The following KCNMA1 variants were observed in gnomAD, a reference collection of about 807,000 sequenced individuals.
KCNMA1 encodes the protein potassium calcium-activated channel subfamily M alpha 1.
Under a neutral mutation model 140.0 loss-of-function variants are expected in KCNMA1, and 29 were observed. The ratio of observed to expected loss-of-function variants is 0.21; its 90% CI spans 0.15 to 0.28. KCNMA1 has a LOEUF of 0.28. Among genes scored for constraint, KCNMA1 ranks in the 10% least tolerant of loss-of-function variants. KCNMA1 has a pLI of 1.00. For synonymous variants in KCNMA1, 612 were observed against 611.9 expected, an observed-to-expected ratio of 1.00 and a Z score of 0.00; for missense variants, 880 against 1,602.2, an observed-to-expected ratio of 0.55 and a Z score of 7.70.
intron 2 of KCNMA1, among the ~76,000 whole-genome samples, chr10:77,297,704 T>A (rs2075541047): frequency 6.6e-6 from 1 of 152,164 alleles, no homozygotes; most frequent in South Asian, 2.1e-4. Context: ...CCTCTACCTA[T>A]GAAAGGAAGG....
At chr10:77,102,443 A>C (rs1031800543) in intron 9 of KCNMA1, among the ~76,000 whole-genome samples, 1 of 152,204 alleles carries the variant, frequency 6.6e-6, no homozygotes, top group African/African-American at 2.4e-5. Context: ...TGATATAAGG[A>C]AAGACACAGA....
At chr10:77,179,115 G>A (rs554851546) in intron 5 of KCNMA1, among the ~76,000 whole-genome samples, 34 of 152,312 alleles carry the variant, frequency 2.2e-4, no homozygotes, top group African/African-American at 7.7e-4. Context: ...TATGAAGTAC[G>A]TGCTGTGCTA....
At chr10:77,080,083 T>C (rs966656966) in intron 12 of KCNMA1, among the ~76,000 whole-genome samples, 2 of 152,136 alleles carry the variant, frequency 1.3e-5, no homozygotes, top group Admixed American at 6.5e-5. Flanking sequence ...AACCCTTTAA[T>C]ATGATTGCCT....
intron 1 of KCNMA1, among the ~76,000 whole-genome samples, chr10:77,501,371 T>A (rs1477420911): frequency 6.6e-6 from 1 of 151,988 alleles, no homozygotes; most frequent in East Asian, 1.9e-4. Context: ...CACCCAGAGG[T>A]GTTGAGGGTG....
At chr10:77,025,238 G>A (rs1414916003) in intron 16 of KCNMA1, among the ~76,000 whole-genome samples, 2 of 24,268 alleles carry the variant, frequency 8.2e-5, no homozygotes, top group East Asian at 9.4e-3. Context: ...AGAGGGGTGT[G>A]TGTGTATATA....
At chr10:77,353,732 C>G (rs986940224) in intron 2 of KCNMA1, among the ~76,000 whole-genome samples, 54 of 152,120 alleles carry the variant, frequency 3.5e-4, no homozygotes, top group African/African-American at 1.3e-3. Flanking sequence ...GATAAAGTGA[C>G]AGCCACCATC....
chr10:77,500,042 G>T (rs191211136), intron 1 of KCNMA1, among the ~76,000 whole-genome samples: 178 of 152,038 alleles, frequency 1.2e-3, no homozygotes, highest in Non-Finnish European at 1.8e-3. Context: ...GCAAAATATG[G>T]TTGAACAATA....
intron 1 of KCNMA1, among the ~76,000 whole-genome samples, chr10:77,438,733 C>T (rs565471230): frequency 8.5e-5 from 13 of 152,292 alleles, no homozygotes; most frequent in African/African-American, 3.1e-4. Flanking sequence ...TTGGCTACTA[C>T]AAAGTCCTTA....
intron 5 of KCNMA1, among the ~76,000 whole-genome samples, chr10:77,171,016 A>G (rs2098700298): frequency 6.6e-6 from 1 of 152,228 alleles, no homozygotes; most frequent in African/African-American, 2.4e-5. Flanking sequence ...AGCACAAAAT[A>G]GCAAGGTTTA....
chr10:77,074,999 C>T (rs535563482), intron 13 of KCNMA1, among the ~76,000 whole-genome samples: 2 of 152,346 alleles, frequency 1.3e-5, no homozygotes, highest in South Asian at 4.1e-4. Context: ...GTTCCACACT[C>T]TGCTTTCAAA....
At chr10:76,984,622 G>A (rs2080660827) in intron 19 of KCNMA1, among the ~76,000 whole-genome samples, 1 of 152,174 alleles carries the variant, frequency 6.6e-6, no homozygotes, top group Admixed American at 6.5e-5. Flanking sequence ...AGAAGCCTAT[G>A]GGATTAATTT....
chr10:77,526,446 T>C (rs1372207560), intron 1 of KCNMA1, among the ~76,000 whole-genome samples: 2 of 152,228 alleles, frequency 1.3e-5, no homozygotes, highest in African/African-American at 4.8e-5. Context: ...TCTACAACAC[T>C]ATCTGGATGG....
intron 1 of KCNMA1, among the ~76,000 whole-genome samples, chr10:77,520,640 C>T (rs902535571): frequency 2.6e-5 from 4 of 152,194 alleles, no homozygotes; most frequent in East Asian, 3.9e-4. Flanking sequence ...CTCTACCATC[C>T]ATCAGCCAAT....
chr10:76,960,111 A>G (rs2070430794), intron 20 of KCNMA1, among the ~76,000 whole-genome samples: 1 of 152,226 alleles, frequency 6.6e-6, no homozygotes, highest in South Asian at 2.1e-4. Flanking sequence ...AAGAAAGGGA[A>G]ACCAGCATCG....
At chr10:77,470,911 C>T (rs1040523809) in intron 1 of KCNMA1, among the ~76,000 whole-genome samples, 3 of 152,092 alleles carry the variant, frequency 2.0e-5, no homozygotes, top group Admixed American at 2.0e-4. Flanking sequence ...AGGAGAAAAC[C>T]GGGGTGGGGA....
chr10:76,967,244 A>C (rs2074308403), intron 20 of KCNMA1, among the ~76,000 whole-genome samples: 2 of 152,168 alleles, frequency 1.3e-5, no homozygotes, highest in African/African-American at 4.8e-5. Flanking sequence ...TCAAACTGCA[A>C]GTCACAAACT....
chr10:77,597,044 T>A (rs1380549434), intron 1 of KCNMA1, among the ~76,000 whole-genome samples: 1 of 152,176 alleles, frequency 6.6e-6, no homozygotes, highest in Non-Finnish European at 1.5e-5. Flanking sequence ...TAATATTCTA[T>A]ATAGACATAC....
Position 76,886,981 on chromosome 10 carries a change from G to A in KCNMA1, c.*285C>T, listed in dbSNP as rs200416922. Reference sequence around the variant, plus strand: ...GTGCTCCCTTCTAATCTGTGAACTCGTTCCTGCAGTGAGCTATTTATGTCT... The same window carrying A: ...GTGCTCCCTTCTAATCTGTGAACTCATTCCTGCAGTGAGCTATTTATGTCT... On this transcript the variant is annotated 3_prime_UTR_variant, in exon 28 of 28. Transcript: ENST00000286628. 40 of 1,257,386 alleles carry A rather than the reference G, an allele frequency of 3.2e-5. No homozygotes were observed. The highest frequency in any genetic ancestry group is 8.9e-5 in the East Asian group (2 of 22,408). 77.9% of individuals were successfully genotyped at this position (1,257,386 alleles called of 1,614,324 possible).
intron 2 of KCNMA1, among the ~76,000 whole-genome samples, chr10:77,339,123 G>A (rs2090142636): frequency 6.6e-6 from 1 of 151,760 alleles, no homozygotes; most frequent in South Asian, 2.1e-4. Context: ...TCATGGGGAG[G>A]GGGTAAGGAA....
Sources: allele counts gnomAD v4.1 joint callset (sites outside exome capture counted in the v4.1 genomes callset), GRCh38; gene constraint gnomAD v4.1.1; transcripts MANE v1.5; gene names NCBI Gene and HGNC (gene_info 2026-07-23, HGNC 2026-07-21).